The following EYS variants were observed in gnomAD, a reference collection of about 807,000 sequenced individuals.
EYS encodes EGF-like photoreceptor maintenance factor.
EYS carries 250 observed loss-of-function variants against 282.1 expected under a neutral mutation model. That is an observed-to-expected ratio of 0.89 (90% CI 0.80 to 0.98). The LOEUF (loss-of-function observed/expected upper bound fraction) is 0.98, where lower values mean the gene tolerates loss of function less well. EYS is among the 50% of genes least tolerant of loss of function. The pLI is 0.00. For synonymous variants in EYS, 1,355 were observed against 1,282.9 expected (o/e 1.06, Z -1.20); for missense variants, 4,016 against 3,709.0 (o/e 1.08, Z -2.15).
intron 5 of EYS, among the ~76,000 whole-genome samples, chr6:65,429,327 C>T (rs9342476): frequency 2.6e-5 from 4 of 151,952 alleles, no homozygotes; most frequent in Non-Finnish European, 4.4e-5. Context: ...ATTATAAAGC[C>T]GCTTACTCTT....
At chr6:63,818,318 T>TA (rs1177119544) in intron 36 of EYS, among the ~76,000 whole-genome samples, 1 of 152,206 alleles carries the variant, frequency 6.6e-6, no homozygotes, top group Admixed American at 6.5e-5. Context: ...CAGGTGCTGA[T>TA]AATACAACTG....
At chr6:64,395,095 C>A (rs1253281325) in intron 28 of EYS, among the ~76,000 whole-genome samples, 1 of 152,090 alleles carries the variant, frequency 6.6e-6, no homozygotes, top group African/African-American at 2.4e-5. Context: ...CCATCTCACA[C>A]CAGTTAGAAT....
chr6:64,548,306 G>A (rs1764947501), intron 26 of EYS, among the ~76,000 whole-genome samples: 1 of 152,182 alleles, frequency 6.6e-6, no homozygotes, highest in Non-Finnish European at 1.5e-5. Flanking sequence ...ATTACCATTT[G>A]ACCCAGCAAT....
At chr6:65,389,985 T>C (rs1502961) in intron 7 of EYS, among the ~76,000 whole-genome samples, 30,836 of 151,934 alleles carry the variant, frequency 0.2, 3,921 homozygotes, top group Non-Finnish European at 0.27. Flanking sequence ...TTGGAGGTCC[T>C]GTTGCTTTTT....
At chr6:64,518,951 T>C (rs1226465339) in intron 26 of EYS, among the ~76,000 whole-genome samples, 1 of 151,858 alleles carries the variant, frequency 6.6e-6, no homozygotes, top group African/African-American at 2.4e-5. Flanking sequence ...CTCCAGTATG[T>C]CTTTTTTAGC....
intron 12 of EYS, among the ~76,000 whole-genome samples, chr6:65,283,661 A>G (rs1467093688): frequency 1.3e-5 from 2 of 152,032 alleles, no homozygotes; most frequent in East Asian, 3.9e-4. Context: ...ATTTTATTCA[A>G]GTGGCTATTC....
At chr6:65,381,737 TTTTA>T (rs1296504499) in intron 8 of EYS, among the ~76,000 whole-genome samples, 1 of 152,042 alleles carries the variant, frequency 6.6e-6, no homozygotes, top group Non-Finnish European at 1.5e-5. Flanking sequence ...TATTTTCTAA[TTTTA>T]TTTGTTCTTT....
chr6:64,131,407 C>T (rs1295147120), intron 31 of EYS, among the ~76,000 whole-genome samples: 1 of 151,970 alleles, frequency 6.6e-6, no homozygotes, highest in Non-Finnish European at 1.5e-5. Flanking sequence ...TAATGTGATA[C>T]ACTTGCAAAT....
rs1275866455 is a variant in EYS at position 65,368,828 on chromosome 6, T to C, written c.1300-15211A>G. Among the ~76,000 whole-genome samples the C allele has an allele frequency of 3.3e-5, 5 of 151,514 alleles. No individual in the cohort carries two copies. The East Asian group carries it at 9.7e-4, about 29-fold the overall frequency. On this transcript the variant is annotated intron_variant, in intron 8 of 42. Transcript: ENST00000503581. The stretch of plus-strand genomic sequence containing the variant: ...TACAAGTACAGGATAAACTACTCAA[T>C]TAATGAAGTTCTTTCAGAGAGCCAT...
chr6:64,702,278 C>CT (rs1347608538), intron 22 of EYS, among the ~76,000 whole-genome samples: 1 of 151,924 alleles, frequency 6.6e-6, no homozygotes, highest in African/African-American at 2.4e-5. Context: ...AGAACAGAGC[C>CT]TACCAGTATC....
At chr6:64,888,358 G>A (rs1184543020) in intron 18 of EYS, among the ~76,000 whole-genome samples, 3 of 151,880 alleles carry the variant, frequency 2.0e-5, no homozygotes, top group Non-Finnish European at 4.4e-5. Context: ...CATTACAAAC[G>A]AATGAACAAA....
chr6:64,411,483 CA>C (rs1773888268), intron 28 of EYS, among the ~76,000 whole-genome samples: 1 of 151,978 alleles, frequency 6.6e-6, no homozygotes, highest in African/African-American at 2.4e-5. Context: ...CAGTAGCAAT[CA>C]AAATTCAAAA....
chr6:64,270,558 GATTT>G (rs1427035273), intron 30 of EYS, among the ~76,000 whole-genome samples: 2 of 152,038 alleles, frequency 1.3e-5, no homozygotes, highest in Non-Finnish European at 2.9e-5. Context: ...GAAAATGAAA[GATTT>G]ATATGCGCTG....
intron 29 of EYS, among the ~76,000 whole-genome samples, chr6:64,381,173 A>G (rs1217963961): frequency 6.6e-6 from 1 of 152,170 alleles, no homozygotes; most frequent in African/African-American, 2.4e-5. Flanking sequence ...CTTTCTTTAT[A>G]CTAACGTTCT....
At chr6:63,927,119 T>C (rs1764739094) in intron 35 of EYS, among the ~76,000 whole-genome samples, 1 of 152,212 alleles carries the variant, frequency 6.6e-6, no homozygotes, top group Admixed American at 6.5e-5. Flanking sequence ...CTGCTCTTAA[T>C]AGCTGTGTGA....
Position 64,591,557 on chromosome 6 carries a change from T to C in EYS, c.4310A>G (p.Glu1437Gly). The change falls in exon 26 of 43, where the codon GAG becomes GGG. Residue 1437 changes from glutamate to glycine, a missense_variant. By Grantham distance (98) the Glu-to-Gly change is moderately conservative. Transcript: ENST00000503581. ...GGAGAGTAATGACTGCCTGTTTAGC[T>C]CAATATCAGCCCCTGGAATGCTTCT... ...VIRSIPGADI[E>G]LNRQSLLSRG... 1 of 1,551,236 alleles carries C rather than the reference T, an allele frequency of 6.4e-7. No homozygotes were observed. The highest frequency in any genetic ancestry group is 8.7e-7 in the Non-Finnish European group (1 of 1,146,730).
intron 36 of EYS, among the ~76,000 whole-genome samples, chr6:63,836,032 T>C (rs771774216): frequency 2.0e-5 from 3 of 152,094 alleles, no homozygotes; most frequent in South Asian, 2.1e-4. Flanking sequence ...AATGCTCCTA[T>C]GAAAATTATT....
At chr6:63,950,237 C>T (rs1025151116) in intron 35 of EYS, among the ~76,000 whole-genome samples, 6 of 151,810 alleles carry the variant, frequency 4.0e-5, no homozygotes, top group African/African-American at 1.5e-4. Flanking sequence ...TGTCAGGCTT[C>T]TGGGCCCAAG....
intron 12 of EYS, among the ~76,000 whole-genome samples, chr6:65,163,688 A>G (rs1488600071): frequency 1.3e-5 from 2 of 151,344 alleles, no homozygotes; most frequent in African/African-American, 2.4e-5. Context: ...TATATTATCC[A>G]TGAATTAAAA....
Sources: gnomAD v4.1 joint callset for allele counts (sites outside exome capture counted in the v4.1 genomes callset) on GRCh38, gnomAD v4.1.1 for gene constraint, MANE v1.5 for transcripts, NCBI Gene and HGNC (gene_info 2026-07-23, HGNC 2026-07-21) for gene names.